The following APC2 variants were observed in gnomAD, a reference collection of about 807,000 sequenced individuals.
The protein encoded by APC2 is APC regulator of Wnt signaling pathway 2, also known as adenomatous polyposis coli protein 2.
Under a neutral mutation model 72.5 loss-of-function variants are expected in APC2, and 41 were observed. That is an observed-to-expected ratio of 0.57 (90% CI 0.44 to 0.73). APC2 has a LOEUF of 0.73. Among genes scored for constraint, APC2 ranks in the 30% least tolerant of loss-of-function variants. The pLI, the probability that APC2 is intolerant of heterozygous loss-of-function variation, is 0.00. For missense variants in APC2, 3,729 were observed against 3,403.4 expected (o/e 1.10, Z -2.38); for synonymous variants, 1,898 against 1,612.0 (o/e 1.18, Z -4.25).
intron 4 of APC2, among the ~76,000 whole-genome samples, 155 bp from the exon 5 acceptor site, chr19:1,454,994 C>A (rs1249503600): frequency 3.4e-5 from 5 of 145,064 alleles, no homozygotes; most frequent in East Asian, 2.1e-4. Context: ...CCACCCCCCC[C>A]CCCTTACCCT....
upstream of APC2, among the ~76,000 whole-genome samples, chr19:1,449,660 G>A (rs1188775149): frequency 2.0e-5 from 3 of 151,912 alleles, no homozygotes; most frequent in African/African-American, 7.3e-5. Context: ...TCCCCACCAG[G>A]CAGGACCCTC....
chr19:1,457,648 A>G, intron 9 of APC2: 1 of 513,376 alleles, frequency 1.9e-6, no homozygotes, highest in Non-Finnish European at 3.5e-6. Context: ...CAGTGAGCTG[A>G]GATCATGCTA....
chr19:1,455,475 C>G lies in APC2; in HGVS notation c.614C>G (p.Ser205Trp), dbSNP rs924312521. The change falls in exon 6 of 15, where the codon TCG (serine) becomes TGG (tryptophan). Residue 205 changes from serine (S) to tryptophan (W), a missense_variant. Physicochemically the swap from Ser to Trp is radical, Grantham distance 177 (BLOSUM62 -3). Transcript: ENST00000590469. ...RSLMEERFGT[S>W]DEMVQRAQIR... Reference sequence around the variant, plus strand: ...CTGATGGAGGAGCGCTTCGGCACCTCGGACGAGATGGTGCAGCGGGCACAG... The same window carrying G: ...CTGATGGAGGAGCGCTTCGGCACCTGGGACGAGATGGTGCAGCGGGCACAG... The G allele has an allele frequency of 5.0e-6, 8 of 1,603,360 alleles. No homozygotes were observed. Among genetic ancestry groups the G allele is most frequent in the South Asian group, 1.1e-5 (1 of 89,516 alleles).
chr19:1,452,864 C>CA lies in APC2; in HGVS notation c.-18-120_-18-119insA, dbSNP rs900955275. ...CCACACCAGTGACTCCTGCCTGAGACCCCCCCCAACCCAGGATCAGGCAGG... is the reference window on the plus strand; with the variant it reads ...CCACACCAGTGACTCCTGCCTGAGACACCCCCCCAACCCAGGATCAGGCAGG... On this transcript the variant is annotated intron_variant, in intron 1 of 14. Transcript: ENST00000590469. This position sits in a 1 kb window ranked among gnomAD's most constrained non-coding sequence, Gnocchi z 5.1. The CA allele has an allele frequency of 7.9e-6, 9 of 1,145,842 alleles. No individual in the cohort carries two copies. The African/African-American group carries it at 1.8e-4, about 23-fold the overall frequency. 71.0% of individuals were successfully genotyped at this position (1,145,842 alleles called of 1,614,324 possible).
Position 1,467,547 on chromosome 19 carries a change from A to G in APC2, c.4246A>G (p.Arg1416Gly), listed in dbSNP as rs1253715898. The G allele has an allele frequency of 1.5e-5, 23 of 1,504,778 alleles. No homozygotes were observed. Among genetic ancestry groups the G allele is most frequent in the Non-Finnish European group, 1.9e-5 (22 of 1,132,858 alleles). 93.2% of individuals were successfully genotyped at this position (1,504,778 alleles called of 1,614,324 possible). Residue 1416 changes from arginine (R) to glycine (G), a missense_variant, in exon 15 of 15, where the codon AGG becomes GGG. Arg to Gly is a moderately radical substitution (Grantham distance 125). Coordinates refer to ENST00000590469, the MANE Select transcript of APC2 (RefSeq NM_005883.3). Reference sequence around the variant, plus strand: ...CGACGAGACGCTGCAGGGACCCCCCAGGGACCAGCCCGGGGGACCAGCGGG... The same window carrying G: ...CGACGAGACGCTGCAGGGACCCCCCGGGGACCAGCCCGGGGGACCAGCGGG... ...LSDETLQGPP[R>G]DQPGGPAGRQ... is the part of the protein sequence containing the mutation.
rs534315497 is a variant in APC2 at position 1,468,729 on chromosome 19, G to A, written c.5428G>A (p.Gly1810Ser). The part of the protein sequence containing the change: ...APRAQPKGTP[G>S]PRATPRKVAP... Reference sequence around the variant, plus strand: ...CCGTGCCCAGCCCAAAGGGACCCCCGGCCCCCGCGCCACACCGCGGAAGGT... The same window carrying A: ...CCGTGCCCAGCCCAAAGGGACCCCCAGCCCCCGCGCCACACCGCGGAAGGT... Residue 1810 changes from glycine to serine, a missense_variant, in exon 15 of 15, where the codon GGC becomes AGC. Physicochemically the swap from Gly to Ser is moderately conservative, Grantham distance 56. Transcript: ENST00000590469. 77 of 1,505,070 alleles carry A rather than the reference G, an allele frequency of 5.1e-5. No homozygotes were observed. Among genetic ancestry groups the A allele is most frequent in the Non-Finnish European group, 6.4e-5 (72 of 1,122,924 alleles). The allele number at this position is 1,505,070 out of a possible 1,614,324, so 93.2% of individuals were successfully genotyped here.
Position 1,453,269 on chromosome 19 carries a change from G to A in APC2, c.164G>A (p.Gly55Glu). ...GMKEVLKHLQ[G>E]KLEQEARVLV... The stretch of plus-strand genomic sequence containing the variant: ...CAGGAGGTCCTGAAGCACCTACAGG[G>A]AAAACTGGAGCAGGAGGCCCGAGTG... The change falls in exon 3 of 15, where the codon GGA becomes GAA. Residue 55 changes from glycine to glutamate, a missense_variant. Coordinates refer to ENST00000590469, the MANE Select transcript of APC2 (RefSeq NM_005883.3). 6.4e-7 allele frequency: 1 copy of A among 1,569,948 alleles called. No homozygotes were observed. The highest frequency in any genetic ancestry group is 2.3e-5 in the East Asian group (1 of 42,670).
chr19:1,457,180 G>A lies in APC2; in HGVS notation c.1144G>A (p.Glu382Lys), dbSNP rs1229355053. ...HVLEQIRAYC[E>K]TCWDWLQARD... is the part of the protein sequence containing the mutation. ...GCTGGAGCAGATCCGGGCCTACTGC[G>A]AGACCTGCTGGGACTGGCTGCAGGC... Residue 382 changes from glutamate to lysine, a missense_variant, in exon 9 of 15, where the codon GAG becomes AAG. Glu to Lys is a moderately conservative substitution (Grantham distance 56). Transcript: ENST00000590469. 5.7e-6 allele frequency: 9 copies of A among 1,573,090 alleles called. No homozygotes were observed. The highest frequency in any genetic ancestry group is 3.7e-5 in the Admixed American group (2 of 54,506).
rs1444075040 is a variant in APC2 at position 1,457,203 on chromosome 19, G to A, written c.1167G>A (p.Gln389=). Residue 389 remains glutamine (Q), a synonymous_variant, in exon 9 of 15, where the codon CAG becomes CAA. Coordinates refer to ENST00000590469, the MANE Select transcript of APC2 (RefSeq NM_005883.3). ...AYCETCWDWL[Q]ARDGGPEGGG... The stretch of plus-strand genomic sequence containing the variant: ...GCGAGACCTGCTGGGACTGGCTGCA[G>A]GCCCGAGACGGCGGGCCCGAGGGAG... 6.4e-7 allele frequency: 1 copy of A among 1,552,628 alleles called. No individual in the cohort carries two copies. Among genetic ancestry groups the A allele is most frequent in the African/African-American group, 1.4e-5 (1 of 72,870 alleles).
Position 1,466,820 on chromosome 19 carries a change from C to T in APC2, c.3519C>T (p.Ser1173=). The change falls in exon 15 of 15, where the codon AGC becomes AGT. Residue 1173 remains serine, a synonymous_variant. Coordinates refer to ENST00000590469, the MANE Select transcript of APC2 (RefSeq NM_005883.3). ...SSVSSLGSFE[S]PSIASSIPSE... is the part of the protein sequence containing the mutation. ...TGAGCTCGCTGGGCAGCTTCGAGAG[C>T]CCGTCCATCGCCAGCTCCATCCCCA... 1 of 1,554,038 alleles carries T rather than the reference C, an allele frequency of 6.4e-7. No individual in the cohort carries two copies. The highest frequency in any genetic ancestry group is 8.7e-7 in the Non-Finnish European group (1 of 1,150,050).
Position 1,455,419 on chromosome 19 carries a change from G to A in APC2, c.558G>A (p.Gln186=). 6.2e-7 allele frequency: 1 copy of A among 1,608,852 alleles called. No individual in the cohort carries two copies. The highest frequency in any genetic ancestry group is 8.5e-7 in the Non-Finnish European group (1 of 1,178,120). ...FSMQMDLIRQ[Q]LEFEAQHIRS... The stretch of plus-strand genomic sequence containing the variant: ...TGCAGATGGACCTGATCCGGCAGCA[G>A]CTTGAGTTCGAGGCCCAGCACATCC... The change falls in exon 6 of 15, where the codon CAG becomes CAA. Residue 186 remains glutamine, a synonymous_variant. Transcript: ENST00000590469.
chr19:1,456,498 C>G (rs2083829561), intron 8 of APC2, 94 bp downstream of exon 8: 4 of 1,282,886 alleles, frequency 3.1e-6, no homozygotes, highest in African/African-American at 1.5e-5. Flanking sequence ...CCCTCCCATG[C>G]CTCCATCCAG....
intron 10 of APC2, chr19:1,458,449 G>C (rs1281898939): frequency 5.4e-6 from 1 of 186,608 alleles, no homozygotes; most frequent in East Asian, 1.6e-4. Context: ...AAAAGTAATT[G>C]AGGCCGGGCG....
rs542014708 is a variant in APC2, at chr19:1,466,393, T to C, written c.3092T>C (p.Leu1031Pro). ...ISPGARKQAWLPADHLSKVPE... is the reference protein window; with the variant it reads ...ISPGARKQAWPPADHLSKVPE... ...CCAGGGGCCCGGAAGCAGGCCTGGC[T>C]GCCGGCAGACCACCTGAGCAAGGTT... Residue 1031 changes from leucine (L) to proline (P), a missense_variant, in exon 15 of 15, where the codon CTG becomes CCG. Transcript: ENST00000590469. The C allele has an allele frequency of 4.2e-5, 67 of 1,592,606 alleles. No individual in the cohort carries two copies. The Middle Eastern group carries it at 6.6e-4, about 16-fold the overall frequency.
intron 13 of APC2, chr19:1,461,469 T>G (rs2083921219): frequency 4.6e-6 from 2 of 434,402 alleles, no homozygotes; most frequent in Non-Finnish European, 8.4e-6. Context: ...CTCGGGAGGC[T>G]GAGGCAGGAG....
rs747256619 is a variant in APC2 at position 1,461,075 on chromosome 19, C to T, written c.1560C>T (p.Ala520=). 7.4e-6 allele frequency: 12 copies of T among 1,613,740 alleles called. No homozygotes were observed. The Admixed American group carries it at 8.3e-5, about 11-fold the overall frequency. Reference sequence around the variant, plus strand: ...TCCTTCGGAACTTGTCCTGGAGGGCCGACATCAACAGCAAGAAGGTGCTGA... The same window carrying T: ...TCCTTCGGAACTTGTCCTGGAGGGCTGACATCAACAGCAAGAAGGTGCTGA... ...SSILRNLSWR[A]DINSKKVLRE... The change falls in exon 13 of 15, where the codon GCC becomes GCT. Residue 520 remains alanine, a synonymous_variant. Coordinates refer to ENST00000590469, the MANE Select transcript of APC2 (RefSeq NM_005883.3).
Position 1,450,195 on chromosome 19 carries a change from G to A in APC2, c.-162G>A, listed in dbSNP as rs924885629. 4.1e-6 allele frequency: 4 copies of A among 985,286 alleles called. No individual in the cohort carries two copies. The highest frequency in any genetic ancestry group is 4.8e-6 in the Non-Finnish European group (4 of 829,876). 61.0% of individuals were successfully genotyped at this position (985,286 alleles called of 1,614,324 possible). A position where few individuals can be genotyped will look rare whatever the true frequency, so the allele number is the denominator to read the frequency against. On this transcript the variant is annotated 5_prime_UTR_variant, in exon 1 of 15. Transcript: ENST00000590469. Reference sequence around the variant, plus strand: ...CGGACCGGGCTTTGTCCGCCCCGGAGCCCCTGCCCGCGCCGCGGAGACCCC... The same window carrying A: ...CGGACCGGGCTTTGTCCGCCCCGGAACCCCTGCCCGCGCCGCGGAGACCCC...
chr19:1,453,710 C>T (rs2083776382), intron 4 of APC2, 99 bp downstream of exon 4: 1 of 1,403,124 alleles, frequency 7.1e-7, no homozygotes, highest in Non-Finnish European at 9.6e-7. Context: ...TGTCTCTGCC[C>T]ACACCTCACA....
upstream of APC2, among the ~76,000 whole-genome samples, chr19:1,448,020 C>T (rs965581116): frequency 2.0e-5 from 3 of 152,148 alleles, no homozygotes; most frequent in South Asian, 2.1e-4. Context: ...CTTCAGTAAA[C>T]AAGACTGGAA....
Sources: allele counts gnomAD v4.1 joint callset (sites outside exome capture counted in the v4.1 genomes callset), GRCh38; gene constraint gnomAD v4.1.1; non-coding constraint Gnocchi (gnomAD v3.1); transcripts MANE v1.5; gene names NCBI Gene and HGNC (gene_info 2026-07-23, HGNC 2026-07-21).